Variants in SLC24A3 observed in about 807,000 individuals in gnomAD.
The protein encoded by SLC24A3 is solute carrier family 24 member 3.
A neutral mutation model predicts 75.8 loss-of-function variants in SLC24A3; 28 were observed. The observed-to-expected ratio is 0.37, with a 90% CI of 0.27 to 0.51. SLC24A3 has a LOEUF of 0.51. Ranked by LOEUF, SLC24A3 falls within the 20% of genes least tolerant of loss-of-function variation. The pLI is 0.94. For missense variants in SLC24A3, 663 were observed against 847.8 expected (o/e 0.78, Z 2.71); for synonymous variants, 372 against 334.1 (o/e 1.11, Z -1.24).
chr20:19,321,451 G>A (rs1459051515), intron 2 of SLC24A3, among the ~76,000 whole-genome samples: 1 of 152,152 alleles, frequency 6.6e-6, no homozygotes, highest in Non-Finnish European at 1.5e-5. Flanking sequence ...AATCGGTGAA[G>A]ACAGTGAAAA....
At chr20:19,510,662 AAGAGACC>A (rs1988522562) in intron 2 of SLC24A3, among the ~76,000 whole-genome samples, 1 of 152,202 alleles carries the variant, frequency 6.6e-6, no homozygotes, top group Non-Finnish European at 1.5e-5. Flanking sequence ...TAAGAGGAGG[AAGAGACC>A]AGAGTTTACT....
chr20:19,454,837 T>A (rs1342741569), intron 2 of SLC24A3, among the ~76,000 whole-genome samples: 1 of 152,208 alleles, frequency 6.6e-6, no homozygotes, highest in Non-Finnish European at 1.5e-5. Flanking sequence ...AAGGGTGAAC[T>A]CTGTCTAAAG....
intron 2 of SLC24A3, among the ~76,000 whole-genome samples, chr20:19,481,171 A>G (rs958743842): frequency 6.6e-6 from 1 of 152,206 alleles, no homozygotes; most frequent in Admixed American, 6.5e-5. Flanking sequence ...GAAGAAATAG[A>G]TAGTATAGGC....
intron 6 of SLC24A3, among the ~76,000 whole-genome samples, chr20:19,649,814 A>C (rs564192286): frequency 6.6e-6 from 1 of 152,312 alleles, no homozygotes; most frequent in South Asian, 2.1e-4. Flanking sequence ...CCTGGATTCA[A>C]ATCCCAAACT....
At position 19,212,850 on chromosome 20, in the gene SLC24A3, C is replaced by T. The variant is rs1301224311; in HGVS notation, c.8C>T (p.Pro3Leu). 1.1e-5 allele frequency: 12 copies of T among 1,105,308 alleles called. No homozygotes were observed. Among genetic ancestry groups the T allele is most frequent in the Non-Finnish European group, 1.3e-5 (12 of 907,318 alleles). The allele number at this position is 1,105,308 out of a possible 1,614,324, so 68.5% of individuals were successfully genotyped here. The part of the protein sequence containing the change: MR[P>L]SGDEDRARRR... ...CCGCCCGGCCGCCCGAGGATGCGGC[C>T]GTCCGGCGACGAGGACCGCGCGCGT... The change falls in exon 1 of 17, where the codon CCG becomes CTG. Residue 3 changes from proline to leucine, a missense_variant. Coordinates refer to ENST00000328041, the MANE Select transcript of SLC24A3 (RefSeq NM_020689.4).
chr20:19,600,956 T>A (rs1650629205), intron 6 of SLC24A3, among the ~76,000 whole-genome samples: 1 of 152,220 alleles, frequency 6.6e-6, no homozygotes, highest in South Asian at 2.1e-4. Flanking sequence ...CCCCTGCACC[T>A]GGCCAACGCT....
At chr20:19,321,137 C>T (rs1056359796) in intron 2 of SLC24A3, among the ~76,000 whole-genome samples, 3 of 151,920 alleles carry the variant, frequency 2.0e-5, no homozygotes, top group African/African-American at 4.8e-5. Flanking sequence ...TGTGTGAAAG[C>T]GTTTGACAGT....
At chr20:19,382,427 G>A (rs1445579043) in intron 2 of SLC24A3, among the ~76,000 whole-genome samples, 1 of 152,214 alleles carries the variant, frequency 6.6e-6, no homozygotes, top group African/African-American at 2.4e-5. Flanking sequence ...TTATACTCAT[G>A]AGAATCATAG....
intron 6 of SLC24A3, among the ~76,000 whole-genome samples, chr20:19,588,067 T>G (rs6046193): frequency 0.83 from 126,244 of 152,090 alleles, 52,497 homozygotes; most frequent in Non-Finnish European, 0.85. Flanking sequence ...CTTCTAAATG[T>G]AAATCAAAGT....
intron 6 of SLC24A3, among the ~76,000 whole-genome samples, chr20:19,627,523 T>G (rs973163635): frequency 6.6e-6 from 1 of 152,138 alleles, no homozygotes; most frequent in South Asian, 2.1e-4. Flanking sequence ...TATATTTACT[T>G]GGCAGATGGA....
intron 2 of SLC24A3, among the ~76,000 whole-genome samples, chr20:19,367,934 T>C (rs1246421497): frequency 6.6e-6 from 1 of 152,204 alleles, no homozygotes. Flanking sequence ...TTTTCTGCTA[T>C]GAGATTCAAA....
intron 2 of SLC24A3, among the ~76,000 whole-genome samples, chr20:19,486,420 G>A (rs1413398299): frequency 1.3e-5 from 2 of 152,136 alleles, no homozygotes; most frequent in Non-Finnish European, 2.9e-5. Context: ...CACCAAAAGT[G>A]GTGAATTTTA....
chr20:19,235,341 G>T (rs1982134187), intron 1 of SLC24A3, among the ~76,000 whole-genome samples: 1 of 152,206 alleles, frequency 6.6e-6, no homozygotes, highest in South Asian at 2.1e-4. Context: ...TTTGTACAAA[G>T]GACCAGCTGC....
chr20:19,442,607 T>G (rs751669275), intron 2 of SLC24A3, among the ~76,000 whole-genome samples: 1 of 151,920 alleles, frequency 6.6e-6, no homozygotes, highest in Non-Finnish European at 1.5e-5. Flanking sequence ...GCTTACTAGT[T>G]CTTTATCAAA....
Position 19,341,802 on chromosome 20 carries a change from G to A in SLC24A3, c.271+60715G>A, listed in dbSNP as rs113163852. The stretch of plus-strand genomic sequence containing the variant: ...AATGAAGAAGTTGAAGCCAATGAAG[G>A]TATGACCATCTAATCTCTGTGACAG... On this transcript the variant is annotated intron_variant, in intron 2 of 16. Transcript: ENST00000328041. Among the ~76,000 whole-genome samples, 458 of 152,236 alleles carry A rather than the reference G, an allele frequency of 3.0e-3. 3 individuals carry two copies. Among genetic ancestry groups the A allele is most frequent in the African/African-American group, 9.9e-3 (411 of 41,534 alleles).
At chr20:19,424,736 A>AAAC in intron 2 of SLC24A3, among the ~76,000 whole-genome samples, 2 of 37,782 alleles carry the variant, frequency 5.3e-5, no homozygotes, top group African/African-American at 9.7e-5. Flanking sequence ...CTCAAAAAAA[A>AAAC]AACAACAACA....
At chr20:19,353,605 C>A (rs1985619207) in intron 2 of SLC24A3, among the ~76,000 whole-genome samples, 1 of 152,206 alleles carries the variant, frequency 6.6e-6, no homozygotes, top group Non-Finnish European at 1.5e-5. Flanking sequence ...GAGCTTGCAT[C>A]TTAAAAGCTT....
intron 2 of SLC24A3, among the ~76,000 whole-genome samples, chr20:19,342,472 T>A (rs756732047): frequency 3.9e-5 from 6 of 152,232 alleles, no homozygotes; most frequent in Non-Finnish European, 8.8e-5. Flanking sequence ...TTTAAGATCA[T>A]ATTCAATTAT....
At chr20:19,654,520 C>T (rs1436356965) in intron 7 of SLC24A3, among the ~76,000 whole-genome samples, 1 of 152,106 alleles carries the variant, frequency 6.6e-6, no homozygotes, top group Non-Finnish European at 1.5e-5. Context: ...CCGTGGCCAC[C>T]TTTGTGCCAA....
Sources: gnomAD v4.1 joint callset for allele counts (sites outside exome capture counted in the v4.1 genomes callset) on GRCh38, gnomAD v4.1.1 for gene constraint, MANE v1.5 for transcripts, NCBI Gene and HGNC (gene_info 2026-07-23, HGNC 2026-07-21) for gene names.